The following PKNOX2 variants were observed in gnomAD, a reference collection of about 807,000 sequenced individuals.
The protein encoded by PKNOX2 is homeobox protein PKNOX2.
In PKNOX2, 14 loss-of-function variants were observed where a neutral mutation model predicts 53.1. The observed-to-expected ratio is 0.26, with a 90% CI of 0.17 to 0.41. The LOEUF is 0.41. Among genes scored for constraint, PKNOX2 ranks in the 10% least tolerant of loss-of-function variants. The pLI is 1.00. For missense variants in PKNOX2, 496 were observed against 602.8 expected (o/e 0.82, Z 1.85); for synonymous variants, 257 against 242.8 (o/e 1.06, Z -0.54).
chr11:125,388,721 C>T (rs1215079640), intron 6 of PKNOX2, among the ~76,000 whole-genome samples: 1 of 152,094 alleles, frequency 6.6e-6, no homozygotes, highest in Admixed American at 6.6e-5. Flanking sequence ...CCCCTGTCCC[C>T]CAAGCAAGTT....
At chr11:125,318,460 TC>T (rs1949336575) in intron 2 of PKNOX2, among the ~76,000 whole-genome samples, 1 of 152,108 alleles carries the variant, frequency 6.6e-6, no homozygotes, top group South Asian at 2.1e-4. Context: ...CTCTCCGCCT[TC>T]ATAGAATTGA....
intron 2 of PKNOX2, among the ~76,000 whole-genome samples, chr11:125,251,204 A>G (rs933034462): frequency 6.6e-6 from 1 of 151,904 alleles, no homozygotes; most frequent in Non-Finnish European, 1.5e-5. Context: ...AATTATGTTG[A>G]TTTTCTTCAT....
intron 7 of PKNOX2, among the ~76,000 whole-genome samples, chr11:125,401,764 TGA>T (rs144197684): frequency 2.1e-4 from 30 of 140,242 alleles, no homozygotes; most frequent in African/African-American, 9.2e-4. Flanking sequence ...AAGGAGCTTG[TGA>T]GTGTGTGTGT....
At chr11:125,377,345 C>T (rs549886929) in intron 5 of PKNOX2, among the ~76,000 whole-genome samples, 1 of 152,004 alleles carries the variant, frequency 6.6e-6, no homozygotes, top group African/African-American at 2.4e-5. Context: ...TGTGAGGGCT[C>T]GGAGGAGGCG....
At chr11:125,199,907 G>A (rs919051834) in intron 1 of PKNOX2, among the ~76,000 whole-genome samples, 1 of 152,196 alleles carries the variant, frequency 6.6e-6, no homozygotes, top group Non-Finnish European at 1.5e-5. Context: ...GTTGCTATGT[G>A]TATGGACTGG....
At position 125,313,393 on chromosome 11, in the gene PKNOX2, T is replaced by C. The variant is rs370071834; in HGVS notation, c.-129-18426T>C. Among the ~76,000 whole-genome samples, 12 of 152,248 alleles carry C rather than the reference T, an allele frequency of 7.9e-5. 1 individual carries two copies. The highest frequency in any genetic ancestry group is 2.9e-4 in the African/African-American group (12 of 41,542). On this transcript the variant is annotated intron_variant, in intron 2 of 12. Coordinates refer to ENST00000298282, the MANE Select transcript of PKNOX2 (RefSeq NM_001382323.2). The stretch of plus-strand genomic sequence containing the variant: ...TGAACTCTCCTGTCCCAAGTAGAAT[T>C]TTCTCTTTCAACTGAATTGGGAGCA...
At chr11:125,269,890 T>C (rs887922622) in intron 2 of PKNOX2, among the ~76,000 whole-genome samples, 3 of 152,196 alleles carry the variant, frequency 2.0e-5, no homozygotes, top group East Asian at 3.9e-4. Context: ...AAGAGTTTCC[T>C]GGAAGTTGGG....
At chr11:125,304,312 T>TG (rs1247100013) in intron 2 of PKNOX2, among the ~76,000 whole-genome samples, 1 of 152,234 alleles carries the variant, frequency 6.6e-6, no homozygotes, top group African/African-American at 2.4e-5. Context: ...GGAAGCTGGG[T>TG]GTTATCTTAA....
chr11:125,291,921 G>C (rs952649682), intron 2 of PKNOX2, among the ~76,000 whole-genome samples: 6 of 152,158 alleles, frequency 3.9e-5, no homozygotes, highest in African/African-American at 1.2e-4. Context: ...GGTAGAGATG[G>C]GGAATTATTG....
At chr11:125,368,913 C>T (rs1952350754) in intron 5 of PKNOX2, among the ~76,000 whole-genome samples, 2 of 152,326 alleles carry the variant, frequency 1.3e-5, no homozygotes, top group South Asian at 4.1e-4. Flanking sequence ...CTCATATTCC[C>T]TTGTGGGAGC....
chr11:125,187,208 T>A (rs1352814771), intron 1 of PKNOX2, among the ~76,000 whole-genome samples: 1 of 152,212 alleles, frequency 6.6e-6, no homozygotes, highest in Admixed American at 6.5e-5. Context: ...CCCTTGCAAT[T>A]CCATTTGAAG....
At chr11:125,226,877 A>T (rs1367674322) in intron 1 of PKNOX2, among the ~76,000 whole-genome samples, 1 of 151,604 alleles carries the variant, frequency 6.6e-6, no homozygotes, top group East Asian at 1.9e-4. Context: ...ATCCTCAGGA[A>T]CACAGTCCCT....
chr11:125,209,647 G>A (rs1939584967), intron 1 of PKNOX2, among the ~76,000 whole-genome samples: 1 of 152,066 alleles, frequency 6.6e-6, no homozygotes, highest in African/African-American at 2.4e-5. Context: ...AAAGCAACAT[G>A]CTAACACACA....
At chr11:125,178,764 G>T (rs370752414) in intron 1 of PKNOX2, among the ~76,000 whole-genome samples, 2 of 151,970 alleles carry the variant, frequency 1.3e-5, no homozygotes, top group South Asian at 2.1e-4. Flanking sequence ...GGAAGAAACT[G>T]CCCAGGGCAG....
At chr11:125,301,091 T>C (rs1416128805) in intron 2 of PKNOX2, among the ~76,000 whole-genome samples, 5 of 152,200 alleles carry the variant, frequency 3.3e-5, no homozygotes, top group East Asian at 3.9e-4. Flanking sequence ...AAGTTGAGAA[T>C]GTGAGCTTGA....
chr11:125,395,383 T>C (rs1954316749), intron 6 of PKNOX2, among the ~76,000 whole-genome samples: 1 of 152,234 alleles, frequency 6.6e-6, no homozygotes, highest in Admixed American at 6.5e-5. Context: ...TTTGAACAAT[T>C]TGTATACAGG....
intron 1 of PKNOX2, among the ~76,000 whole-genome samples, chr11:125,194,491 C>T (rs1337044264): frequency 6.6e-6 from 1 of 152,054 alleles, no homozygotes; most frequent in Non-Finnish European, 1.5e-5. Context: ...GGAGGGTCCT[C>T]ACCCTGTGTC....
At chr11:125,321,561 A>G (rs1281492561) in intron 2 of PKNOX2, among the ~76,000 whole-genome samples, 5 of 152,222 alleles carry the variant, frequency 3.3e-5, no homozygotes, top group African/African-American at 1.2e-4. Flanking sequence ...AATATTTTCT[A>G]TCTGCAGTTG....
intron 4 of PKNOX2, among the ~76,000 whole-genome samples, chr11:125,351,917 A>C (rs529872622): frequency 6.6e-6 from 1 of 152,010 alleles, no homozygotes; most frequent in African/African-American, 2.4e-5. Flanking sequence ...AAAAGCCAAG[A>C]TTCTTTCTGC....
Sources: gnomAD v4.1 joint callset for allele counts (sites outside exome capture counted in the v4.1 genomes callset) on GRCh38, gnomAD v4.1.1 for gene constraint, MANE v1.5 for transcripts, NCBI Gene and HGNC (gene_info 2026-07-23, HGNC 2026-07-21) for gene names.